MKLN1: variants seen among roughly 807,000 people sequenced by gnomAD.
The protein encoded by MKLN1 is muskelin.
Under a neutral mutation model 99.0 loss-of-function variants are expected in MKLN1, and 18 were observed. That is an observed-to-expected ratio of 0.18 (90% CI 0.13 to 0.27). MKLN1 has a LOEUF of 0.27. MKLN1 is among the 10% of genes least tolerant of loss of function. The pLI is 1.00. For synonymous variants in MKLN1, 288 were observed against 293.2 expected, an observed-to-expected ratio of 0.98 and a Z score of 0.18; for missense variants, 621 against 875.9, an observed-to-expected ratio of 0.71 and a Z score of 3.67.
At chr7:131,439,711 C>T (rs942499513) in intron 10 of MKLN1, among the ~76,000 whole-genome samples, 30 of 152,168 alleles carry the variant, frequency 2.0e-4, no homozygotes, top group African/African-American at 7.0e-4. Flanking sequence ...TGCTTAAAAG[C>T]TATTTGCCAT....
At chr7:131,273,317 C>T (rs1797914826) in intron 3 of MKLN1, among the ~76,000 whole-genome samples, 1 of 148,188 alleles carries the variant, frequency 6.7e-6, no homozygotes, top group African/African-American at 2.5e-5. Context: ...TCTGTAATTC[C>T]TCATCTGGCT....
chr7:131,301,010 C>G (rs1480906810), intron 3 of MKLN1, among the ~76,000 whole-genome samples: 1 of 152,168 alleles, frequency 6.6e-6, no homozygotes, highest in Non-Finnish European at 1.5e-5. Flanking sequence ...CTTTTCTTAT[C>G]CTAAGACTTA....
chr7:131,330,076 T>G (rs1799025605), intron 1 of MKLN1, among the ~76,000 whole-genome samples: 1 of 152,184 alleles, frequency 6.6e-6, no homozygotes, highest in Non-Finnish European at 1.5e-5. Context: ...TCTGCTGGGT[T>G]GGTGTGTGCC....
intron 3 of MKLN1, among the ~76,000 whole-genome samples, chr7:131,265,610 C>T (rs535646399): frequency 5.5e-4 from 83 of 152,264 alleles, no homozygotes; most frequent in African/African-American, 1.2e-3. Context: ...AGAATCCCAG[C>T]GGAGGAGGGG....
chr7:131,202,004 C>A (rs1438176633), intron 2 of MKLN1, among the ~76,000 whole-genome samples: 1 of 152,082 alleles, frequency 6.6e-6, no homozygotes, highest in Non-Finnish European at 1.5e-5. Context: ...AGGTTACAGG[C>A]ACAAATTTAA....
chr7:131,156,481 A>C (rs1417416714), intron 2 of MKLN1, among the ~76,000 whole-genome samples: 3 of 150,176 alleles, frequency 2.0e-5, no homozygotes, highest in African/African-American at 7.3e-5. Context: ...GAAAAGTGAC[A>C]GGCATTCAGC....
At chr7:131,335,905 A>G (rs1008864199) in intron 1 of MKLN1, among the ~76,000 whole-genome samples, 4 of 151,364 alleles carry the variant, frequency 2.6e-5, no homozygotes, top group African/African-American at 9.7e-5. Flanking sequence ...GCTGTTAACT[A>G]CTGTCTTCTA....
At chr7:131,205,267 G>C (rs1584832557) in intron 3 of MKLN1, among the ~76,000 whole-genome samples, 1 of 152,178 alleles carries the variant, frequency 6.6e-6, no homozygotes, top group South Asian at 2.1e-4. Context: ...AATTGCCCTG[G>C]ATTGAACCTC....
In MKLN1 at chr7:131,173,906, C is replaced by A. The variant is rs1796252612; in HGVS notation, c.-296-28951C>A. The stretch of plus-strand genomic sequence containing the variant: ...ACAGATTTTCTTGTAACCAGAAGTA[C>A]TGACAAATTGAATTGAGTTTTCAGT... On this transcript the variant is annotated intron_variant, in intron 2 of 7. Transcript: ENST00000416992. Among the ~76,000 whole-genome samples the A allele has an allele frequency of 2.0e-5, 3 of 151,658 alleles. No homozygotes were observed. In the South Asian group the frequency reaches 6.2e-4, roughly 31 times the overall value.
intron 3 of MKLN1, among the ~76,000 whole-genome samples, chr7:131,317,765 CA>C (rs146525048): frequency 0.34 from 16,929 of 50,130 alleles, 1,114 homozygotes; most frequent in African/African-American, 0.42. Flanking sequence ...AAATGGAAAG[CA>C]AAAAAAAAAA....
At chr7:131,462,055 C>G (rs1584768009) in intron 12 of MKLN1, among the ~76,000 whole-genome samples, 1 of 152,230 alleles carries the variant, frequency 6.6e-6, no homozygotes, top group East Asian at 1.9e-4. Context: ...GCTTTAGAGA[C>G]AGAGTCTTAC....
At chr7:131,120,548 C>CAAA (rs55945614) in intron 1 of MKLN1, among the ~76,000 whole-genome samples, 77,387 of 97,884 alleles carry the variant, frequency 0.79, 31,588 homozygotes, top group East Asian at 0.89. Context: ...GACTCCCTCT[C>CAAA]AAAAAAAAAA....
chr7:131,355,250 C>T (rs1799838572), intron 1 of MKLN1, among the ~76,000 whole-genome samples: 1 of 151,986 alleles, frequency 6.6e-6, no homozygotes, highest in African/African-American at 2.4e-5. Context: ...TGTTTTTATC[C>T]TTTTAATTTT....
chr7:131,224,234 T>C (rs973463393), intron 3 of MKLN1, among the ~76,000 whole-genome samples: 1 of 152,054 alleles, frequency 6.6e-6, no homozygotes, highest in African/African-American at 2.4e-5. Flanking sequence ...AGAAACCTGG[T>C]TTCTATACAA....
intron 1 of MKLN1, among the ~76,000 whole-genome samples, chr7:131,135,910 T>G (rs2116242985): frequency 6.6e-6 from 1 of 152,250 alleles, no homozygotes; most frequent in African/African-American, 2.4e-5. Context: ...ATAAATGAGT[T>G]ATTCTGAGTC....
intron 16 of MKLN1, chr7:131,471,202 G>T: frequency 3.5e-6 from 1 of 284,646 alleles, no homozygotes; most frequent in Non-Finnish European, 6.5e-6. Flanking sequence ...TTAGTTTTGT[G>T]TTTTGGAAAG....
chr7:131,466,951 G>A (rs190006357), intron 15 of MKLN1, among the ~76,000 whole-genome samples: 82 of 151,774 alleles, frequency 5.4e-4, no homozygotes, highest in African/African-American at 1.9e-3. Flanking sequence ...ACGCACGCAG[G>A]CACCCTGAGT....
chr7:131,192,401 TA>T (rs1340246279), intron 2 of MKLN1, among the ~76,000 whole-genome samples: 1 of 111,800 alleles, frequency 8.9e-6, no homozygotes, highest in Admixed American at 1.1e-4. Flanking sequence ...TATAAATATA[TA>T]AAATATATAA....
rs1296700222 is a variant in MKLN1, at chr7:131,490,167, G to A, written c.*2439G>A. On this transcript the variant is annotated 3_prime_UTR_variant, in exon 18 of 18. Coordinates refer to ENST00000352689, the MANE Select transcript of MKLN1 (RefSeq NM_013255.5). Reference sequence around the variant, plus strand: ...GATTATAATTTAAATAATCGAATTTGGTATTTAGGTACATTGTTTATATAG... The same window carrying A: ...GATTATAATTTAAATAATCGAATTTAGTATTTAGGTACATTGTTTATATAG... The A allele has an allele frequency of 6.6e-6, 1 of 152,446 alleles. No homozygotes were observed. Among genetic ancestry groups the A allele is most frequent in the African/African-American group, 2.4e-5 (1 of 41,384 alleles). 9.4% of individuals were successfully genotyped at this position (152,446 alleles called of 1,614,324 possible).
Sources: allele counts gnomAD v4.1 joint callset (sites outside exome capture counted in the v4.1 genomes callset), GRCh38; gene constraint gnomAD v4.1.1; transcripts MANE v1.5; gene names NCBI Gene and HGNC (gene_info 2026-07-23, HGNC 2026-07-21).